Variants in KCNQ3 observed in about 807,000 individuals in gnomAD.
KCNQ3 encodes the protein potassium voltage-gated channel subfamily KQT member 3.
KCNQ3 carries 30 observed loss-of-function variants against 92.5 expected under a neutral mutation model. The ratio of observed to expected loss-of-function variants is 0.32; its 90% confidence interval spans 0.24 to 0.44. The LOEUF is 0.44. KCNQ3 is among the 20% of genes least tolerant of loss of function. The pLI is 1.00. For missense variants in KCNQ3, 913 were observed against 1,140.3 expected, an observed-to-expected ratio of 0.80 and a Z score of 2.87; for synonymous variants, 450 against 468.8, an observed-to-expected ratio of 0.96 and a Z score of 0.52.
chr8:132,231,075 G>T (rs1470443200), intron 1 of KCNQ3, among the ~76,000 whole-genome samples: 2 of 152,162 alleles, frequency 1.3e-5, no homozygotes, highest in Non-Finnish European at 2.9e-5. Flanking sequence ...AGAGAAGATG[G>T]CCATGCGACC....
chr8:132,276,365 G>A (rs1208569070), intron 1 of KCNQ3, among the ~76,000 whole-genome samples: 1 of 152,122 alleles, frequency 6.6e-6, no homozygotes, highest in Non-Finnish European at 1.5e-5. Flanking sequence ...AGAAAGAGGA[G>A]TGACAGGGGA....
intron 1 of KCNQ3, among the ~76,000 whole-genome samples, chr8:132,257,117 A>G (rs2130457922): frequency 2.0e-5 from 3 of 152,318 alleles, no homozygotes; most frequent in Middle Eastern, 6.8e-3. Context: ...GAGAAGAGAG[A>G]ATGGAGCTAT....
chr8:132,355,767 C>G (rs535203715), intron 1 of KCNQ3, among the ~76,000 whole-genome samples: 1 of 152,274 alleles, frequency 6.6e-6, no homozygotes, highest in Admixed American at 6.5e-5. Flanking sequence ...GCCTAGTCTT[C>G]GGAAAACACA....
intron 1 of KCNQ3, chr8:132,186,645 G>A (rs559729561): frequency 6.6e-6 from 2 of 302,616 alleles, no homozygotes; most frequent in East Asian, 1.8e-4. Flanking sequence ...GAAAAATTCA[G>A]CAAAGGCTTC....
chr8:132,177,991 A>C (rs1826624168), intron 4 of KCNQ3, among the ~76,000 whole-genome samples: 1 of 152,206 alleles, frequency 6.6e-6, no homozygotes, highest in African/African-American at 2.4e-5. Flanking sequence ...TCTCTGCCTC[A>C]CTGGCGTCTG....
chr8:132,146,102 T>C (rs1406933156), intron 9 of KCNQ3, among the ~76,000 whole-genome samples: 1 of 152,228 alleles, frequency 6.6e-6, no homozygotes, highest in African/African-American at 2.4e-5. Flanking sequence ...AATAGGAGTT[T>C]CAATTGTATT....
chr8:132,394,170 A>G (rs989298583), intron 1 of KCNQ3, among the ~76,000 whole-genome samples: 3 of 152,230 alleles, frequency 2.0e-5, no homozygotes, highest in African/African-American at 7.2e-5. Context: ...AGGGCCTTCT[A>G]TGTGCCAAGC....
intron 1 of KCNQ3, among the ~76,000 whole-genome samples, chr8:132,249,939 G>A (rs7819436): frequency 0.085 from 12,872 of 152,216 alleles, 634 homozygotes; most frequent in South Asian, 0.14. Flanking sequence ...GGCACCGGCC[G>A]GCCGCTCCAA....
intron 1 of KCNQ3, among the ~76,000 whole-genome samples, chr8:132,210,090 A>AAAATC (rs1341248306): frequency 6.6e-6 from 1 of 152,250 alleles, no homozygotes; most frequent in African/African-American, 2.4e-5. Flanking sequence ...GCTGTGAATT[A>AAAATC]AAATCACCTG....
intron 1 of KCNQ3, among the ~76,000 whole-genome samples, chr8:132,202,908 C>T (rs148380854): frequency 1.3e-5 from 2 of 152,316 alleles, no homozygotes; most frequent in East Asian, 3.9e-4. Context: ...AGCCCCACCT[C>T]TCAGTTCTAA....
chr8:132,186,050 G>A, intron 2 of KCNQ3, 41 bp downstream of exon 2: 1 of 1,503,186 alleles, frequency 6.7e-7, no homozygotes, highest in Non-Finnish European at 9.3e-7. Context: ...CATCACTCTG[G>A]AAGCCCAACC....
intron 1 of KCNQ3, among the ~76,000 whole-genome samples, chr8:132,214,963 A>G (rs1239548362): frequency 6.6e-6 from 1 of 152,248 alleles, no homozygotes; most frequent in East Asian, 1.9e-4. Flanking sequence ...ACTTCTGCCC[A>G]TCCACAGATG....
Position 132,343,968 on chromosome 8 carries a change from A to T in KCNQ3, c.386+136179T>A, listed in dbSNP as rs1270946612. Among the ~76,000 whole-genome samples the T allele has an allele frequency of 2.0e-5, 3 of 152,242 alleles. No individual in the cohort carries two copies. The East Asian group carries it at 5.8e-4, about 29-fold the overall frequency. ...GACTGTGGCTGAACAGATGAAAGAT[A>T]TTCAGATAAGTGGCACATGTTCTTT... On this transcript the variant is annotated intron_variant, in intron 1 of 14. Transcript: ENST00000388996.
At chr8:132,457,404 T>A (rs16904688) in intron 1 of KCNQ3, among the ~76,000 whole-genome samples, 1 of 152,058 alleles carries the variant, frequency 6.6e-6, no homozygotes, top group Non-Finnish European at 1.5e-5. Context: ...TCCAGCTTCA[T>A]CTCTTGTTTC....
At chr8:132,319,529 G>A (rs1185074863) in intron 1 of KCNQ3, among the ~76,000 whole-genome samples, 1 of 152,164 alleles carries the variant, frequency 6.6e-6, no homozygotes, top group African/African-American at 2.4e-5. Context: ...GAGACCAAAG[G>A]CAGATTTCTC....
At chr8:132,469,869 T>G (rs1362439017) in intron 1 of KCNQ3, among the ~76,000 whole-genome samples, 1 of 151,832 alleles carries the variant, frequency 6.6e-6, no homozygotes, top group Admixed American at 6.6e-5. Context: ...ATTTGCATTC[T>G]GTTCTCCAAG....
intron 1 of KCNQ3, among the ~76,000 whole-genome samples, chr8:132,334,538 C>T (rs1187360060): frequency 1.3e-5 from 2 of 152,178 alleles, no homozygotes; most frequent in African/African-American, 2.4e-5. Flanking sequence ...CTTTCTATGG[C>T]TTTTTATACT....
chr8:132,197,855 T>A (rs2130245936), intron 1 of KCNQ3, among the ~76,000 whole-genome samples: 1 of 152,314 alleles, frequency 6.6e-6, no homozygotes, highest in Admixed American at 6.5e-5. Flanking sequence ...TTAAGTATCT[T>A]CATGTTGCAA....
At chr8:132,358,525 T>C (rs1340917552) in intron 1 of KCNQ3, among the ~76,000 whole-genome samples, 1 of 152,184 alleles carries the variant, frequency 6.6e-6, no homozygotes, top group Non-Finnish European at 1.5e-5. Context: ...AAGAATTCTA[T>C]AATCATCATC....
Sources: gnomAD v4.1 joint callset for allele counts (sites outside exome capture counted in the v4.1 genomes callset) on GRCh38, gnomAD v4.1.1 for gene constraint, MANE v1.5 for transcripts, NCBI Gene and HGNC (gene_info 2026-07-23, HGNC 2026-07-21) for gene names.